The following CCDC148 variants were observed in gnomAD, a reference collection of about 807,000 sequenced individuals.
CCDC148 encodes coiled-coil domain-containing protein 148.
CCDC148 carries 89 observed loss-of-function variants against 85.7 expected under a neutral mutation model. The observed-to-expected ratio is 1.04, with a 90% confidence interval of 0.87 to 1.24. The LOEUF (loss-of-function observed/expected upper bound fraction) is 1.24. Ranked by LOEUF, CCDC148 falls within the 50% of genes most tolerant of loss-of-function variation. The pLI, the probability that CCDC148 is intolerant of heterozygous loss-of-function variation, is 0.00. For synonymous variants in CCDC148, 230 were observed against 213.9 expected (o/e 1.08, Z -0.66); for missense variants, 692 against 671.7 (o/e 1.03, Z -0.33).
At chr2:158,377,437 G>T (rs1242816848) in intron 1 of CCDC148, among the ~76,000 whole-genome samples, 1 of 151,996 alleles carries the variant, frequency 6.6e-6, no homozygotes. Flanking sequence ...ACTACCACTT[G>T]TTACTGGCAG....
Position 158,313,823 on chromosome 2 carries a change from A to T in CCDC148, c.836T>A (p.Phe279Tyr), listed in dbSNP as rs749396362. 6.2e-7 allele frequency: 1 copy of T among 1,613,976 alleles called. No homozygotes were observed. Among genetic ancestry groups the T allele is most frequent in the South Asian group, 1.1e-5 (1 of 91,080 alleles). The change falls in exon 8 of 14, where the codon TTT (phenylalanine) becomes TAT (tyrosine). Residue 279 changes from phenylalanine (F) to tyrosine (Y), a missense_variant. Physicochemically the swap from Phe to Tyr is conservative, Grantham distance 22. Transcript: ENST00000283233. ...AILDQYPGDL[F>Y]GRRTLYLDML... Reference sequence around the variant, plus strand: ...GTCCAGATACAGAGTCCTTCTTCCAAAGAGATCTCCAGGGTACTGATCCAA... The same window carrying T: ...GTCCAGATACAGAGTCCTTCTTCCATAGAGATCTCCAGGGTACTGATCCAA...
At chr2:158,425,709 A>G (rs1298631108) in intron 1 of CCDC148, among the ~76,000 whole-genome samples, 4 of 152,176 alleles carry the variant, frequency 2.6e-5, no homozygotes, top group Non-Finnish European at 5.9e-5. Flanking sequence ...TCCTTTATAA[A>G]TAGCCAGCCA....
At chr2:158,280,786 A>G (rs1690246495) in intron 9 of CCDC148, among the ~76,000 whole-genome samples, 2 of 152,204 alleles carry the variant, frequency 1.3e-5, no homozygotes, top group Non-Finnish European at 2.9e-5. Context: ...CCTAATACAC[A>G]TCTACAGAAC....
chr2:158,292,761 G>A (rs989368843), intron 9 of CCDC148, among the ~76,000 whole-genome samples: 9 of 152,174 alleles, frequency 5.9e-5, no homozygotes. Flanking sequence ...GCCTGAAATA[G>A]ACTCAGATGA....
chr2:158,183,587 C>T (rs1183112080), intron 11 of CCDC148, among the ~76,000 whole-genome samples: 2 of 152,068 alleles, frequency 1.3e-5, no homozygotes, highest in Non-Finnish European at 2.9e-5. Flanking sequence ...AAACAAAAAA[C>T]TTAAGCAATA....
At chr2:158,195,390 A>G (rs59428777) in intron 11 of CCDC148, among the ~76,000 whole-genome samples, 1,894 of 152,256 alleles carry the variant, frequency 0.012, 19 homozygotes, top group East Asian at 0.069. Flanking sequence ...AAACTTATGA[A>G]TGCTTCAGTC....
chr2:158,371,505 T>C (rs1045280210), intron 1 of CCDC148, among the ~76,000 whole-genome samples: 1 of 152,020 alleles, frequency 6.6e-6, no homozygotes, highest in African/African-American at 2.4e-5. Flanking sequence ...GTAGTCATTA[T>C]CAAGGTTTTA....
intron 9 of CCDC148, among the ~76,000 whole-genome samples, chr2:158,305,858 C>T (rs1361996223): frequency 6.6e-6 from 1 of 151,600 alleles, no homozygotes; most frequent in Non-Finnish European, 1.5e-5. Flanking sequence ...ACATTAATCA[C>T]CAATAACTTG....
At chr2:158,293,151 C>A (rs1349225338) in intron 9 of CCDC148, among the ~76,000 whole-genome samples, 2 of 151,562 alleles carry the variant, frequency 1.3e-5, no homozygotes, top group African/African-American at 2.4e-5. Context: ...GAAATAGACA[C>A]ACAAACAAGT....
intron 10 of CCDC148, among the ~76,000 whole-genome samples, chr2:158,225,220 A>G (rs1317053763): frequency 6.6e-6 from 1 of 152,222 alleles, no homozygotes; most frequent in Non-Finnish European, 1.5e-5. Context: ...GCCATTACAT[A>G]ATAGTAAAGG....
At chr2:158,365,889 A>G (rs769564154) in intron 1 of CCDC148, 6 of 649,278 alleles carry the variant, frequency 9.2e-6, no homozygotes, top group East Asian at 3.0e-5. Context: ...CGGTCATTCA[A>G]TGTAACCAGA....
chr2:158,190,707 G>A (rs1478780807), intron 11 of CCDC148, among the ~76,000 whole-genome samples: 1 of 152,036 alleles, frequency 6.6e-6, no homozygotes. Flanking sequence ...TGTAAGAAGG[G>A]AACTTTTGTT....
intron 9 of CCDC148, among the ~76,000 whole-genome samples, chr2:158,269,743 G>A (rs1408636386): frequency 1.3e-5 from 2 of 152,122 alleles, no homozygotes; most frequent in African/African-American, 4.8e-5. Context: ...TCCTTGGAAT[G>A]GCTTTTCCTC....
chr2:158,245,383 G>C (rs1031453578), intron 10 of CCDC148, among the ~76,000 whole-genome samples: 5 of 152,126 alleles, frequency 3.3e-5, no homozygotes, highest in Non-Finnish European at 7.4e-5. Flanking sequence ...TCCCTCCCCA[G>C]AAAGATCTCT....
intron 1 of CCDC148, among the ~76,000 whole-genome samples, chr2:158,437,042 A>C (rs1687690514): frequency 6.6e-6 from 1 of 152,230 alleles, no homozygotes; most frequent in African/African-American, 2.4e-5. Context: ...AAATTCTAGC[A>C]GAGGTAGAAT....
chr2:158,234,225 T>C (rs781700067), intron 10 of CCDC148, among the ~76,000 whole-genome samples: 3 of 152,226 alleles, frequency 2.0e-5, no homozygotes, highest in African/African-American at 7.2e-5. Context: ...GCATTTATTA[T>C]GCAAAGATGG....
chr2:158,355,979 A>G (rs1287280800), intron 2 of CCDC148, among the ~76,000 whole-genome samples: 1 of 135,656 alleles, frequency 7.4e-6, no homozygotes, highest in Non-Finnish European at 1.5e-5. Context: ...AGCAATGGGG[A>G]AAGGATTCCC....
chr2:158,359,122 T>C (rs1683810802), intron 1 of CCDC148, among the ~76,000 whole-genome samples: 1 of 152,136 alleles, frequency 6.6e-6, no homozygotes, highest in Admixed American at 6.5e-5. Context: ...TCCAAATACA[T>C]ACAATGTCCT....
chr2:158,189,290 C>T (rs998806562), intron 11 of CCDC148, among the ~76,000 whole-genome samples: 2 of 151,822 alleles, frequency 1.3e-5, no homozygotes, highest in African/African-American at 4.8e-5. Context: ...TCTGCCTAAG[C>T]TAGTTTGAGT....
Sources: gnomAD v4.1 joint callset for allele counts (sites outside exome capture counted in the v4.1 genomes callset) on GRCh38, gnomAD v4.1.1 for gene constraint, MANE v1.5 for transcripts, NCBI Gene and HGNC (gene_info 2026-07-23, HGNC 2026-07-21) for gene names.